The following SLC1A1 variants were observed in gnomAD, a reference collection of about 807,000 sequenced individuals.
SLC1A1 encodes solute carrier family 1 member 1.
A neutral mutation model predicts 53.3 loss-of-function variants in SLC1A1; 43 were observed. The ratio of observed to expected loss-of-function variants is 0.81; its 90% CI spans 0.63 to 1.04. SLC1A1 has a LOEUF of 1.04. Among genes scored for constraint, SLC1A1 ranks in the 50% least tolerant of loss-of-function variants. The pLI, the probability that SLC1A1 is intolerant of heterozygous loss-of-function variation, is 0.00. For synonymous variants in SLC1A1, 307 were observed against 243.2 expected, an observed-to-expected ratio of 1.26 and a Z score of -2.44; for missense variants, 748 against 664.9, an observed-to-expected ratio of 1.12 and a Z score of -1.37.
At chr9:4,539,613 C>G (rs551648330) in intron 1 of SLC1A1, among the ~76,000 whole-genome samples, 1 of 152,264 alleles carries the variant, frequency 6.6e-6, no homozygotes, top group Non-Finnish European at 1.5e-5. Context: ...ACTCTGTCAT[C>G]TAGGCTGGAG....
intron 2 of SLC1A1, among the ~76,000 whole-genome samples, chr9:4,555,732 G>A (rs1465299132): frequency 2.0e-5 from 3 of 152,086 alleles, no homozygotes; most frequent in Admixed American, 6.6e-5. Context: ...TTCTTTTTCT[G>A]CCCAATTCAG....
chr9:4,576,859 G>T (rs1225274303), intron 10 of SLC1A1, 96 bp downstream of exon 10: 13 of 1,082,768 alleles, frequency 1.2e-5, no homozygotes, highest in East Asian at 1.2e-4. Flanking sequence ...TCGCAGTGAT[G>T]AATTCTTTTT....
intron 3 of SLC1A1, among the ~76,000 whole-genome samples, chr9:4,563,223 T>C (rs1280121353): frequency 6.6e-6 from 1 of 151,492 alleles, no homozygotes; most frequent in Non-Finnish European, 1.5e-5. Flanking sequence ...GCTCGGCCCT[T>C]GTAGCCCTGC....
chr9:4,500,535 TG>T (rs1315917373), intron 1 of SLC1A1, among the ~76,000 whole-genome samples: 1 of 152,180 alleles, frequency 6.6e-6, no homozygotes, highest in Non-Finnish European at 1.5e-5. Flanking sequence ...GCTCTCGAAC[TG>T]TTAACTGCAG....
At chr9:4,526,953 G>A (rs965335411) in intron 1 of SLC1A1, among the ~76,000 whole-genome samples, 3 of 152,124 alleles carry the variant, frequency 2.0e-5, no homozygotes, top group African/African-American at 2.4e-5. Flanking sequence ...TTTTGCAAAT[G>A]TAATTAAAGT....
At chr9:4,570,640 G>T (rs929888238) in intron 6 of SLC1A1, among the ~76,000 whole-genome samples, 1 of 152,116 alleles carries the variant, frequency 6.6e-6, no homozygotes, top group Admixed American at 6.5e-5. Flanking sequence ...CAAAATGCTG[G>T]GATTACAGGT....
chr9:4,582,860 CA>C (rs1235239545), intron 10 of SLC1A1, among the ~76,000 whole-genome samples, 177 bp from the exon 11 acceptor site: 3 of 152,220 alleles, frequency 2.0e-5, no homozygotes, highest in Non-Finnish European at 2.9e-5. Flanking sequence ...CCTCCCCCCA[CA>C]GCTCTAATCC....
At chr9:4,498,980 CTTATATA>C (rs1161814646) in intron 1 of SLC1A1, among the ~76,000 whole-genome samples, 2 of 132,656 alleles carry the variant, frequency 1.5e-5, no homozygotes, top group African/African-American at 3.3e-5. Flanking sequence ...TATATATAAT[CTTATATA>C]TTATATATAA....
chr9:4,497,626 C>T (rs947596402), intron 1 of SLC1A1, among the ~76,000 whole-genome samples: 1 of 152,180 alleles, frequency 6.6e-6, no homozygotes, highest in Admixed American at 6.5e-5. Context: ...GTTTCAGCCC[C>T]CTCTGATCTA....
intron 1 of SLC1A1, among the ~76,000 whole-genome samples, chr9:4,529,773 C>A (rs1816398548): frequency 6.6e-6 from 1 of 152,136 alleles, no homozygotes; most frequent in South Asian, 2.1e-4. Context: ...CCCACCTTGG[C>A]TTCACAAAGT....
chr9:4,510,195 G>A (rs981590943), intron 1 of SLC1A1, among the ~76,000 whole-genome samples: 1 of 152,136 alleles, frequency 6.6e-6, no homozygotes. Flanking sequence ...GGAAATGAGA[G>A]GTAAGAATGG....
At chr9:4,513,459 A>G (rs1462209817) in intron 1 of SLC1A1, among the ~76,000 whole-genome samples, 1 of 152,232 alleles carries the variant, frequency 6.6e-6, no homozygotes, top group Non-Finnish European at 1.5e-5. Flanking sequence ...AAAAATATTC[A>G]GCATCGTTGG....
intron 1 of SLC1A1, among the ~76,000 whole-genome samples, chr9:4,540,415 G>A (rs568843417): frequency 1.6e-3 from 245 of 152,222 alleles, no homozygotes; most frequent in Admixed American, 3.6e-3. Flanking sequence ...CTGTGCTCTC[G>A]GTAGAGAGCA....
At chr9:4,550,115 C>T (rs1245540126) in intron 2 of SLC1A1, among the ~76,000 whole-genome samples, 1 of 152,162 alleles carries the variant, frequency 6.6e-6, no homozygotes, top group African/African-American at 2.4e-5. Flanking sequence ...ATTCTGCTTC[C>T]TGGACAAGTC....
intron 1 of SLC1A1, among the ~76,000 whole-genome samples, chr9:4,496,670 G>A (rs893844393): frequency 6.6e-6 from 1 of 151,948 alleles, no homozygotes; most frequent in Non-Finnish European, 1.5e-5. Context: ...GAAGGTGGGA[G>A]GACTGCTTGA....
chr9:4,530,704 G>T (rs1047498202), intron 1 of SLC1A1, among the ~76,000 whole-genome samples: 1 of 152,166 alleles, frequency 6.6e-6, no homozygotes, highest in African/African-American at 2.4e-5. Context: ...CATTTTTATT[G>T]CTTTAATAAC....
chr9:4,531,215 C>G (rs901272172), intron 1 of SLC1A1, among the ~76,000 whole-genome samples: 6 of 152,194 alleles, frequency 3.9e-5, no homozygotes, highest in African/African-American at 1.4e-4. Context: ...GGGTGCAGGA[C>G]AGTGGGTGCA....
chr9:4,533,284 T>C (rs1816547144), intron 1 of SLC1A1, among the ~76,000 whole-genome samples: 1 of 151,936 alleles, frequency 6.6e-6, no homozygotes, highest in South Asian at 2.1e-4. Flanking sequence ...GGATAAAGAG[T>C]CAAGACCCAT....
intron 2 of SLC1A1, among the ~76,000 whole-genome samples, chr9:4,546,837 A>G (rs10815018): frequency 0.25 from 38,735 of 152,082 alleles, 6,055 homozygotes; most frequent in Admixed American, 0.38. Context: ...TGAGAATACA[A>G]TGCAAACTTT....
Sources: gnomAD v4.1 joint callset for allele counts (sites outside exome capture counted in the v4.1 genomes callset) on GRCh38, gnomAD v4.1.1 for gene constraint, MANE v1.5 for transcripts, NCBI Gene and HGNC (gene_info 2026-07-23, HGNC 2026-07-21) for gene names.